The following PEX11G variants were observed in gnomAD, a reference collection of about 807,000 sequenced individuals.
The protein encoded by PEX11G is peroxisomal biogenesis factor 11 gamma, also known as peroxisomal membrane protein 11C.
A neutral mutation model predicts 22.5 loss-of-function variants in PEX11G; 20 were observed. The ratio of observed to expected loss-of-function variants is 0.89; its 90% CI spans 0.62 to 1.29. The LOEUF (loss-of-function observed/expected upper bound fraction) is 1.29. Among genes scored for constraint, PEX11G ranks in the 50% most tolerant of loss-of-function variants. The pLI is 0.00. For synonymous variants in PEX11G, 141 were observed against 154.5 expected (o/e 0.91, Z 0.65); for missense variants, 347 against 331.3 (o/e 1.05, Z -0.37).
intron 1 of PEX11G, among the ~76,000 whole-genome samples, chr19:7,487,503 A>C (rs1599223312): frequency 6.6e-6 from 1 of 152,000 alleles, no homozygotes; most frequent in Non-Finnish European, 1.5e-5. Flanking sequence ...GCTCACTGCA[A>C]CCTCTGCATC....
At chr19:7,488,042 C>T (rs1440461845) in intron 1 of PEX11G, among the ~76,000 whole-genome samples, 2 of 152,186 alleles carry the variant, frequency 1.3e-5, no homozygotes, top group African/African-American at 4.8e-5. Context: ...TTGATTGGAA[C>T]TAAAAACTGT....
upstream of PEX11G, among the ~76,000 whole-genome samples, chr19:7,489,929 C>T (rs1250812166): frequency 6.6e-6 from 1 of 151,328 alleles, no homozygotes; most frequent in African/African-American, 2.4e-5. Context: ...GCCATCTCTG[C>T]TCACTGCGTC....
upstream of PEX11G, chr19:7,489,083 C>T (rs954612807): frequency 8.5e-6 from 12 of 1,416,126 alleles, no homozygotes; most frequent in African/African-American, 1.5e-5. Flanking sequence ...GTACCGGGAG[C>T]GCCCCAAAGG....
intron 2 of PEX11G, among the ~76,000 whole-genome samples, chr19:7,484,772 CAA>C (rs1412975347): frequency 0.018 from 2,299 of 128,754 alleles, 61 homozygotes; most frequent in African/African-American, 0.062. Context: ...GACCTTGTCT[CAA>C]AAAAAAAAAA....
intron 3 of PEX11G, among the ~76,000 whole-genome samples, chr19:7,480,745 A>C (rs1034016152): frequency 4.6e-5 from 7 of 152,140 alleles, no homozygotes; most frequent in African/African-American, 1.7e-4. Context: ...CCCCAGAAAA[A>C]GGACACAGCC....
intron 1 of PEX11G, among the ~76,000 whole-genome samples, 180 bp downstream of exon 1, chr19:7,488,771 C>T (rs2021779446): frequency 6.6e-6 from 1 of 152,232 alleles, no homozygotes; most frequent in Non-Finnish European, 1.5e-5. Flanking sequence ...CACTGCACTC[C>T]AGCCAAAATA....
intron 4 of PEX11G, among the ~76,000 whole-genome samples, chr19:7,477,949 G>A (rs1431030600): frequency 6.6e-6 from 1 of 152,248 alleles, no homozygotes; most frequent in Non-Finnish European, 1.5e-5. Flanking sequence ...TTGAGCCCAG[G>A]AGGCAGAGGC....
intron 1 of PEX11G, 62 bp from the exon 2 acceptor site, chr19:7,486,088 C>T (rs755446941): frequency 2.1e-6 from 3 of 1,438,260 alleles, no homozygotes; most frequent in Admixed American, 2.1e-5. Flanking sequence ...GCTGCATCCC[C>T]CCATACCTGG....
chr19:7,485,000 C>T (rs1308464716), intron 2 of PEX11G, among the ~76,000 whole-genome samples: 1 of 152,078 alleles, frequency 6.6e-6, no homozygotes, highest in African/African-American at 2.4e-5. Flanking sequence ...CACTTTGGGA[C>T]AAGACTATAA....
intron 3 of PEX11G, among the ~76,000 whole-genome samples, chr19:7,479,146 G>A (rs1025393664): frequency 6.6e-6 from 1 of 152,196 alleles, no homozygotes; most frequent in African/African-American, 2.4e-5. Flanking sequence ...CTCCTGGGGG[G>A]CTAGGGAAAA....
In PEX11G at chr19:7,477,188, C is replaced by G. The variant is rs763653278; in HGVS notation, c.*14G>C. The G allele has an allele frequency of 1.4e-6, 2 of 1,459,750 alleles. No homozygotes were observed. Among genetic ancestry groups the G allele is most frequent in the South Asian group, 2.9e-5 (2 of 68,818 alleles). The allele number at this position is 1,459,750 out of a possible 1,614,324, so 90.4% of individuals were successfully genotyped here. A position where few individuals can be genotyped will look rare whatever the true frequency, so the allele number is the denominator to read the frequency against. On this transcript the variant is annotated 3_prime_UTR_variant, in exon 5 of 5. Transcript: ENST00000221480. ...CGTGGGCTCTGGCTGTGTCCCTGTGCTCTTCCGGCAGTGTCAGGGGGTAGT... is the reference window on the plus strand; with the variant it reads ...CGTGGGCTCTGGCTGTGTCCCTGTGGTCTTCCGGCAGTGTCAGGGGGTAGT...
At chr19:7,482,330 A>T (rs2145963198) in intron 2 of PEX11G, 119 bp from the exon 3 acceptor site, 1 of 1,158,678 alleles carries the variant, frequency 8.6e-7, no homozygotes, top group South Asian at 1.6e-5. Flanking sequence ...GGCCGTGTCC[A>T]GGCCTGGCAG....
chr19:7,486,397 A>T (rs1295047475), intron 1 of PEX11G, among the ~76,000 whole-genome samples: 1 of 152,174 alleles, frequency 6.6e-6, no homozygotes. Flanking sequence ...AAGTGCTGGG[A>T]TTACAGGCAT....
chr19:7,479,019 G>A (rs903151166), intron 3 of PEX11G, among the ~76,000 whole-genome samples: 1 of 152,230 alleles, frequency 6.6e-6, no homozygotes, highest in East Asian at 1.9e-4. Flanking sequence ...CTCGGCCGTG[G>A]GGTGTGCCGG....
intron 2 of PEX11G, among the ~76,000 whole-genome samples, chr19:7,485,386 C>T (rs10408521): frequency 0.038 from 5,789 of 151,640 alleles, 324 homozygotes; most frequent in African/African-American, 0.12. Context: ...GACGGAGTCT[C>T]GCTCTGTCGT....
At chr19:7,491,397 G>T (rs1341358725), upstream of PEX11G, among the ~76,000 whole-genome samples, 3 of 149,520 alleles carry the variant, frequency 2.0e-5, no homozygotes, top group African/African-American at 7.4e-5. Context: ...GGCCTCCCAA[G>T]TGGCTGAGAG....
chr19:7,489,828 T>C (rs2021835297), upstream of PEX11G, among the ~76,000 whole-genome samples: 1 of 152,040 alleles, frequency 6.6e-6, no homozygotes, highest in African/African-American at 2.4e-5. Context: ...CAGGGACACC[T>C]TTAGACTCTT....
chr19:7,478,404 GC>G (rs1357184183), intron 3 of PEX11G, 28 bp from the exon 4 acceptor site: 7 of 1,595,034 alleles, frequency 4.4e-6, no homozygotes, highest in Non-Finnish European at 6.0e-6. Flanking sequence ...GAGGGAGGAT[GC>G]CCCGGCGGGG....
At chr19:7,489,405 C>G, upstream of PEX11G, 1 of 1,020,516 alleles carries the variant, frequency 9.8e-7, no homozygotes, top group Non-Finnish European at 1.2e-6. Flanking sequence ...TTCACCTTTT[C>G]TGCACTGTCT....
Sources: gnomAD v4.1 joint callset for allele counts (sites outside exome capture counted in the v4.1 genomes callset) on GRCh38, gnomAD v4.1.1 for gene constraint, MANE v1.5 for transcripts, NCBI Gene and HGNC (gene_info 2026-07-23, HGNC 2026-07-21) for gene names.